Variants in RPS24 observed in about 807,000 individuals in gnomAD.
RPS24 encodes ribosomal protein S24, also known as small ribosomal subunit protein eS24.
For missense variants in RPS24, 100 were observed against 162.5 expected (o/e 0.62, Z 2.09); for synonymous variants, 72 against 55.6 (o/e 1.30, Z -1.31).
In RPS24 at chr10:78,034,033, T is replaced by G. The variant is rs1847801164; in HGVS notation, c.3+129T>G. ...TTCTCTGGCCGTTTCTGTCAGAGGA[T>G]GGTTGTCGAGGGGCTCGGGGCTGTT... On this transcript the variant is annotated intron_variant, in intron 1 of 5. Transcript: ENST00000372360. The G allele has an allele frequency of 1.5e-5, 19 of 1,231,410 alleles. No individual in the cohort carries two copies. In the South Asian group the frequency reaches 2.3e-4, roughly 15 times the overall value. The allele number at this position is 1,231,410 out of a possible 1,614,324, so 76.3% of individuals were successfully genotyped here.
chr10:78,037,705 C>T (rs569538670), intron 4 of RPS24: 23 of 337,706 alleles, frequency 6.8e-5, no homozygotes, highest in African/African-American at 3.5e-4. Flanking sequence ...CAATGTGGCC[C>T]GTGTTTTCCT....
intron 4 of RPS24, among the ~76,000 whole-genome samples, chr10:78,052,721 G>A (rs572764462): frequency 3.3e-5 from 5 of 152,160 alleles, no homozygotes; most frequent in Non-Finnish European, 7.3e-5. Flanking sequence ...TGTAAGCCCT[G>A]TTTAGCTGGA....
rs545229869 is a variant in RPS24, at chr10:78,037,382, A to G, written c.390+78A>G. On this transcript the variant is annotated intron_variant, in intron 4 of 5. Transcript: ENST00000372360. Reference sequence around the variant, plus strand: ...TTCTAGGAAAGAAGGGATCTTATTAATTTTTAAAATAACTTTTCTTAATGT... The same window carrying G: ...TTCTAGGAAAGAAGGGATCTTATTAGTTTTTAAAATAACTTTTCTTAATGT... 2.0e-4 allele frequency: 295 copies of G among 1,509,304 alleles called. No individual in the cohort carries two copies. The African/African-American group carries it at 3.8e-3, about 20-fold the overall frequency. 93.5% of individuals were successfully genotyped at this position (1,509,304 alleles called of 1,614,324 possible).
chr10:78,037,575 C>A, intron 4 of RPS24: 1 of 440,674 alleles, frequency 2.3e-6, no homozygotes, highest in Non-Finnish European at 4.1e-6. Flanking sequence ...GGGCACCTTT[C>A]AAGCCTATCA....
intron 4 of RPS24, chr10:78,037,529 T>G (rs1847898608): frequency 3.3e-6 from 2 of 598,124 alleles, no homozygotes; most frequent in Admixed American, 3.4e-5. Context: ...CACAGCACAA[T>G]CTGGAGGCCA....
At chr10:78,044,079 A>G (rs2131988419), downstream of RPS24, among the ~76,000 whole-genome samples, 1 of 151,816 alleles carries the variant, frequency 6.6e-6, no homozygotes, top group South Asian at 2.1e-4. Flanking sequence ...CTTACTCCCT[A>G]AATTATGAAC....
At chr10:78,054,473 C>T (rs567185496) in intron 4 of RPS24, 61 of 1,435,426 alleles carry the variant, frequency 4.2e-5, no homozygotes, top group Middle Eastern at 3.7e-4. Context: ...CAGAACAGGG[C>T]GGCTGGAAGG....
chr10:78,054,397 G>A, intron 4 of RPS24: 1 of 834,044 alleles, frequency 1.2e-6, no homozygotes, highest in Non-Finnish European at 1.8e-6. Flanking sequence ...TCAAGCTTTG[G>A]CTCTGACTGC....
At chr10:78,053,960 G>C (rs1848126371) in intron 4 of RPS24, among the ~76,000 whole-genome samples, 1 of 152,276 alleles carries the variant, frequency 6.6e-6, no homozygotes, top group African/African-American at 2.4e-5. Context: ...TCCTGGGGAA[G>C]GGGGATTTGA....
chr10:78,039,104 G>C (rs1847937197), intron 4 of RPS24: 1 of 152,176 alleles, frequency 6.6e-6, no homozygotes, highest in Admixed American at 6.6e-5. Context: ...ACCTGGGATT[G>C]CCTGCCCAGG....
chr10:78,042,209 G>A (rs1847993491), downstream of RPS24, among the ~76,000 whole-genome samples: 1 of 152,210 alleles, frequency 6.6e-6, no homozygotes, highest in Non-Finnish European at 1.5e-5. Context: ...CATCTGTTGG[G>A]ACAGGTATTC....
chr10:78,054,952 T>C, exon 5 of RPS24: 1 of 1,491,592 alleles, frequency 6.7e-7, no homozygotes, highest in Non-Finnish European at 9.0e-7. Flanking sequence ...TTCTTTGAAA[T>C]CCACCAGGAA....
exon 5 of RPS24, chr10:78,055,341 G>A (rs1848140274): frequency 8.1e-6 from 2 of 247,982 alleles, no homozygotes; most frequent in East Asian, 1.6e-4. Context: ...TTTCCCACTA[G>A]AAATGAAGCT....
chr10:78,053,491 A>G (rs1304419858), intron 4 of RPS24, among the ~76,000 whole-genome samples: 4 of 152,198 alleles, frequency 2.6e-5, no homozygotes, highest in Non-Finnish European at 5.9e-5. Flanking sequence ...GAATTTAATA[A>G]CAACACTTTG....
At chr10:78,036,209 G>C (rs1382361074) in intron 3 of RPS24, 1 of 193,968 alleles carries the variant, frequency 5.2e-6, no homozygotes, top group Non-Finnish European at 1.1e-5. Context: ...TGCTTGTTTT[G>C]TTTGTTCCTT....
chr10:78,046,645 G>T (rs1169199762), intron 4 of RPS24, among the ~76,000 whole-genome samples: 5 of 152,170 alleles, frequency 3.3e-5, no homozygotes, highest in African/African-American at 1.2e-4. Flanking sequence ...ATGATCCACT[G>T]CACCTGGCCT....
downstream of RPS24, among the ~76,000 whole-genome samples, chr10:78,045,170 T>C (rs1431375311): frequency 6.6e-6 from 1 of 152,084 alleles, no homozygotes; most frequent in African/African-American, 2.4e-5. Flanking sequence ...TATTTTGTAG[T>C]AGAGACGGAG....
chr10:78,038,372 C>G (rs966479607), intron 4 of RPS24: 1 of 158,572 alleles, frequency 6.3e-6, no homozygotes, highest in Admixed American at 6.3e-5. Context: ...GCTCTCTTAT[C>G]CAAGGAGCAG....
chr10:78,037,915 T>C, intron 4 of RPS24: 2 of 945,460 alleles, frequency 2.1e-6, no homozygotes, highest in Non-Finnish European at 1.4e-6. Flanking sequence ...TTTTTTTTTT[T>C]TTTTTTTTTT....
Sources: allele counts gnomAD v4.1 joint callset (sites outside exome capture counted in the v4.1 genomes callset), GRCh38; gene constraint gnomAD v4.1.1; transcripts MANE v1.5; gene names NCBI Gene and HGNC (gene_info 2026-07-23, HGNC 2026-07-21).